The following NEDD4L variants were observed in gnomAD, a reference collection of about 807,000 sequenced individuals.
The protein encoded by NEDD4L is E3 ubiquitin-protein ligase NEDD4-like.
In NEDD4L, 54 loss-of-function variants were observed where a neutral mutation model predicts 148.9. The observed-to-expected ratio is 0.36, with a 90% CI of 0.29 to 0.45. The LOEUF (loss-of-function observed/expected upper bound fraction) is 0.45, where lower values mean the gene tolerates loss of function less well. Among genes scored for constraint, NEDD4L ranks in the 20% least tolerant of loss-of-function variants. The pLI, the probability that NEDD4L is intolerant of heterozygous loss-of-function variation, is 1.00. For synonymous variants in NEDD4L, 433 were observed against 440.7 expected, an observed-to-expected ratio of 0.98 and a Z score of 0.22; for missense variants, 856 against 1,233.8, an observed-to-expected ratio of 0.69 and a Z score of 4.59.
At chr18:58,134,868 A>G (rs1009020608) in intron 1 of NEDD4L, among the ~76,000 whole-genome samples, 11 of 152,000 alleles carry the variant, frequency 7.2e-5, no homozygotes, top group African/African-American at 1.4e-4. Context: ...TCACAAAGGA[A>G]GACCTTTAGT....
At chr18:58,051,896 C>G (rs1183289382) in intron 1 of NEDD4L, among the ~76,000 whole-genome samples, 1 of 152,126 alleles carries the variant, frequency 6.6e-6, no homozygotes, top group African/African-American at 2.4e-5. Flanking sequence ...CAAAATGTTA[C>G]TTTCTGTTTT....
chr18:58,116,915 G>T (rs1409231938), intron 1 of NEDD4L, among the ~76,000 whole-genome samples: 3 of 152,252 alleles, frequency 2.0e-5, no homozygotes, highest in Non-Finnish European at 4.4e-5. Context: ...CCAAACTCCT[G>T]CCAACGCTGG....
At chr18:58,234,753 A>G (rs2045807489) in intron 2 of NEDD4L, among the ~76,000 whole-genome samples, 1 of 152,172 alleles carries the variant, frequency 6.6e-6, no homozygotes, top group Non-Finnish European at 1.5e-5. Context: ...CAAGACGAGC[A>G]GCTCCATTCT....
intron 1 of NEDD4L, among the ~76,000 whole-genome samples, chr18:58,125,005 C>T (rs1219369995): frequency 6.6e-6 from 1 of 152,212 alleles, no homozygotes; most frequent in African/African-American, 2.4e-5. Context: ...TGGGTTCAGG[C>T]AGTCCTCCCA....
chr18:58,187,716 G>A (rs1187753460), intron 2 of NEDD4L, among the ~76,000 whole-genome samples: 1 of 152,046 alleles, frequency 6.6e-6, no homozygotes, highest in Non-Finnish European at 1.5e-5. Context: ...ACGATTAAAT[G>A]CACGATTTCC....
chr18:58,105,287 A>T (rs774842788), intron 1 of NEDD4L, among the ~76,000 whole-genome samples: 10 of 152,178 alleles, frequency 6.6e-5, no homozygotes, highest in Non-Finnish European at 1.5e-4. Context: ...ACTTGAGCTC[A>T]TCGGATGCTT....
intron 1 of NEDD4L, chr18:58,149,298 C>A: frequency 1.9e-6 from 2 of 1,051,460 alleles, no homozygotes; most frequent in Non-Finnish European, 2.5e-6. Flanking sequence ...GTTCATAAGA[C>A]ACCTGTGATT....
intron 1 of NEDD4L, among the ~76,000 whole-genome samples, chr18:58,072,277 G>A (rs1334604112): frequency 6.6e-6 from 1 of 152,008 alleles, no homozygotes; most frequent in Non-Finnish European, 1.5e-5. Flanking sequence ...AGAAAACTAT[G>A]GAACAATATC....
intron 19 of NEDD4L, among the ~76,000 whole-genome samples, chr18:58,360,622 T>A (rs1000502016): frequency 6.6e-6 from 1 of 152,234 alleles, no homozygotes; most frequent in African/African-American, 2.4e-5. Flanking sequence ...TTTTAAGATA[T>A]TTATTTCTTA....
chr18:58,389,363 G>A, intron 28 of NEDD4L, 171 bp downstream of exon 28: 4 of 549,014 alleles, frequency 7.3e-6, no homozygotes, highest in Non-Finnish European at 1.3e-5. Flanking sequence ...GCCCCGTGGT[G>A]GCTCCTCTGT....
Position 58,322,453 on chromosome 18 carries a change from A to G in NEDD4L, c.377A>G (p.Tyr126Cys), listed in dbSNP as rs886452010. 15 of 1,609,666 alleles carry G rather than the reference A, an allele frequency of 9.3e-6. No individual in the cohort carries two copies. Among genetic ancestry groups the G allele is most frequent in the Non-Finnish European group, 1.3e-5 (15 of 1,176,468 alleles). Residue 126 changes from tyrosine to cysteine, a missense_variant, in exon 7 of 31, where the codon TAT becomes TGT. By Grantham distance (194) the Tyr-to-Cys change is radical (BLOSUM62 -2). Transcript: ENST00000400345. ...GAAGATCCAACCATGGAGCGACCCTATACATTTAAGGACTTTCTCCTCAGA... is the reference window on the plus strand; with the variant it reads ...GAAGATCCAACCATGGAGCGACCCTGTACATTTAAGGACTTTCTCCTCAGA... Reference protein sequence around the residue: ...PTEDPTMERPYTFKDFLLRPR... With the variant: ...PTEDPTMERPCTFKDFLLRPR...
rs1275897701 is a variant in NEDD4L at position 58,401,001 on chromosome 18, A to C, written c.*4732A>C. On this transcript the variant is annotated 3_prime_UTR_variant, in exon 31 of 31. Coordinates refer to ENST00000400345, the MANE Select transcript of NEDD4L (RefSeq NM_001144967.3). ...TAATCTGGTTTCGAAAGGAGGTGAG[A>C]GTTTAGTCCCTTCTGCAGTTTTCTC... The C allele has an allele frequency of 6.6e-6, 1 of 152,108 alleles. No homozygotes were observed. The highest frequency in any genetic ancestry group is 1.5e-5 in the Non-Finnish European group (1 of 68,028). 9.4% of individuals were successfully genotyped at this position (152,108 alleles called of 1,614,324 possible).
At chr18:58,140,180 G>A (rs1449722524) in intron 1 of NEDD4L, among the ~76,000 whole-genome samples, 2 of 152,176 alleles carry the variant, frequency 1.3e-5, no homozygotes, top group Non-Finnish European at 2.9e-5. Context: ...TAAGGACAGA[G>A]CGTGCAGTCT....
At chr18:58,268,810 A>G (rs1409856008) in intron 5 of NEDD4L, among the ~76,000 whole-genome samples, 1 of 152,096 alleles carries the variant, frequency 6.6e-6, no homozygotes, top group African/African-American at 2.4e-5. Context: ...TAAGCTGACC[A>G]GTTAAGGTTT....
chr18:58,271,700 T>G lies in NEDD4L; in HGVS notation c.297+19646T>G, dbSNP rs116780525. 1.7e-3 allele frequency among the ~76,000 whole-genome samples: 257 copies of G among 152,290 alleles called. 1 individual carries two copies. The highest frequency in any genetic ancestry group is 5.7e-3 in the African/African-American group (236 of 41,568). On this transcript the variant is annotated intron_variant, in intron 5 of 30. Transcript: ENST00000400345. The stretch of plus-strand genomic sequence containing the variant: ...TGTGGGTTAAGAATTTTATCAGCAG[T>G]TTTGCTGTTGTATGTACCAGTCGTA...
At chr18:58,095,982 A>C (rs1009319385) in intron 1 of NEDD4L, among the ~76,000 whole-genome samples, 5 of 151,938 alleles carry the variant, frequency 3.3e-5, no homozygotes, top group African/African-American at 1.2e-4. Context: ...TGTGTGGCCC[A>C]AGACAATTCT....
rs1174512000 is a variant in NEDD4L at position 58,366,251 on chromosome 18, T to A, written c.2063+23T>A. ...CACGTAAGTATATGGCCACACCCAG[T>A]GTGTGTCCCCCACTGAGACAGTTGT... On this transcript the variant is annotated intron_variant, in intron 21 of 30. Transcript: ENST00000400345. This position sits in a 1 kb window ranked among gnomAD's most constrained non-coding sequence, Gnocchi z 4.2. The A allele has an allele frequency of 6.1e-6, 9 of 1,468,822 alleles. No homozygotes were observed. The highest frequency in any genetic ancestry group is 8.4e-6 in the Non-Finnish European group (9 of 1,072,828). The allele number at this position is 1,468,822 out of a possible 1,614,324, so 91.0% of individuals were successfully genotyped here. A position where few individuals can be genotyped will look rare whatever the true frequency, so the allele number is the denominator to read the frequency against.
chr18:58,304,341 C>A (rs2056828676), intron 5 of NEDD4L, among the ~76,000 whole-genome samples: 1 of 141,770 alleles, frequency 7.1e-6, no homozygotes, highest in Admixed American at 7.1e-5. Context: ...AAGACCCTGT[C>A]TCTACAAAAA....
intron 2 of NEDD4L, among the ~76,000 whole-genome samples, chr18:58,201,968 T>C (rs141020124): frequency 3.3e-5 from 5 of 152,378 alleles, no homozygotes; most frequent in Non-Finnish European, 5.9e-5. Flanking sequence ...ATTCTCAGAC[T>C]TGTCCATTGT....
Sources: gnomAD v4.1 joint callset for allele counts (sites outside exome capture counted in the v4.1 genomes callset) on GRCh38, gnomAD v4.1.1 for gene constraint, Gnocchi (gnomAD v3.1) non-coding constraint, MANE v1.5 for transcripts, NCBI Gene and HGNC (gene_info 2026-07-23, HGNC 2026-07-21) for gene names.